The following LRP1B variants were observed in gnomAD, a reference collection of about 807,000 sequenced individuals.
The protein encoded by LRP1B is low-density lipoprotein receptor-related protein 1B.
In LRP1B, 217 loss-of-function variants were observed where a neutral mutation model predicts 556.6. That is an observed-to-expected ratio of 0.39 (90% CI 0.35 to 0.44). LRP1B has a LOEUF of 0.44. LRP1B is among the 20% of genes least tolerant of loss of function. LRP1B has a pLI of 1.00. For synonymous variants in LRP1B, 2,047 were observed against 1,865.8 expected (o/e 1.10, Z -2.50); for missense variants, 5,053 against 5,620.8 (o/e 0.90, Z 3.23).
At chr2:140,372,942 T>G (rs1424653289) in intron 69 of LRP1B, 66 bp downstream of exon 69, 1 of 1,557,948 alleles carries the variant, frequency 6.4e-7, no homozygotes, top group African/African-American at 1.4e-5. Flanking sequence ...TGCATATTGC[T>G]GCTTAAATTT....
chr2:141,933,669 T>C (rs529120289), intron 1 of LRP1B, among the ~76,000 whole-genome samples: 17 of 152,314 alleles, frequency 1.1e-4, no homozygotes, highest in Admixed American at 2.0e-4. Context: ...TTTCTTACTG[T>C]GTAATCACTA....
intron 2 of LRP1B, among the ~76,000 whole-genome samples, chr2:141,809,879 G>A (rs1696281318): frequency 6.6e-6 from 1 of 151,700 alleles, no homozygotes; most frequent in Admixed American, 6.6e-5. Context: ...ATAATTTATT[G>A]GGGAAGGTCT....
chr2:141,647,153 T>C (rs1689600026), intron 2 of LRP1B, among the ~76,000 whole-genome samples: 1 of 152,144 alleles, frequency 6.6e-6, no homozygotes, highest in African/African-American at 2.4e-5. Context: ...CTTGTCAAAG[T>C]AATGCTTTAG....
chr2:142,058,373 C>T (rs1322572525), intron 1 of LRP1B, among the ~76,000 whole-genome samples: 1 of 152,138 alleles, frequency 6.6e-6, no homozygotes, highest in Non-Finnish European at 1.5e-5. Flanking sequence ...CTTGCCTCCA[C>T]CTTCGACCAC....
chr2:142,085,814 A>G (rs1455957064), intron 1 of LRP1B, among the ~76,000 whole-genome samples: 4 of 152,186 alleles, frequency 2.6e-5, no homozygotes, highest in African/African-American at 9.7e-5. Flanking sequence ...TGTAAATATA[A>G]TACTATGCAT....
At chr2:140,605,361 T>C (rs533057627) in intron 41 of LRP1B, among the ~76,000 whole-genome samples, 1 of 152,238 alleles carries the variant, frequency 6.6e-6, no homozygotes, top group African/African-American at 2.4e-5. Flanking sequence ...TTTCCAAGGA[T>C]ACAGGTCCAA....
chr2:141,989,060 A>C (rs1702274753), intron 1 of LRP1B, among the ~76,000 whole-genome samples: 1 of 151,998 alleles, frequency 6.6e-6, no homozygotes. Flanking sequence ...TTCTTTATCC[A>C]CTCCAGTATA....
At chr2:142,118,226 G>A (rs1707341586) in intron 1 of LRP1B, among the ~76,000 whole-genome samples, 1 of 152,068 alleles carries the variant, frequency 6.6e-6, no homozygotes, top group African/African-American at 2.4e-5. Context: ...TCTCGGGCTT[G>A]GGTTTACAAT....
chr2:140,363,164 G>T (rs1010714461), intron 72 of LRP1B, among the ~76,000 whole-genome samples: 1 of 151,370 alleles, frequency 6.6e-6, no homozygotes, highest in Non-Finnish European at 1.5e-5. Context: ...ATTTTTATTT[G>T]TCCAGCCAGA....
intron 2 of LRP1B, among the ~76,000 whole-genome samples, chr2:141,505,910 A>G (rs562117677): frequency 6.6e-6 from 1 of 152,186 alleles, no homozygotes; most frequent in South Asian, 2.1e-4. Context: ...CAATTTATTG[A>G]CCATTCTTTA....
Position 141,928,384 on chromosome 2 carries a change from G to A in LRP1B, c.83-117983C>T, listed in dbSNP as rs143932669. Reference sequence around the variant, plus strand: ...ATAATATCATGGCATTGAAACATATGAAAAATAAAACCTGTAGACCATTAT... The same window carrying A: ...ATAATATCATGGCATTGAAACATATAAAAAATAAAACCTGTAGACCATTAT... On this transcript the variant is annotated intron_variant, in intron 1 of 90. Coordinates refer to ENST00000389484, the MANE Select transcript of LRP1B (RefSeq NM_018557.3). 5.5e-4 allele frequency among the ~76,000 whole-genome samples: 84 copies of A among 152,184 alleles called. 1 individual carries two copies. The highest frequency in any genetic ancestry group is 2.0e-3 in the African/African-American group (82 of 41,558).
At chr2:141,915,384 C>A (rs1327046269) in intron 1 of LRP1B, among the ~76,000 whole-genome samples, 1 of 151,984 alleles carries the variant, frequency 6.6e-6, no homozygotes, top group Non-Finnish European at 1.5e-5. Context: ...ATGTGTCATA[C>A]AAAAATTCAC....
intron 41 of LRP1B, among the ~76,000 whole-genome samples, chr2:140,628,441 G>T (rs1026673416): frequency 6.6e-6 from 1 of 151,646 alleles, no homozygotes; most frequent in East Asian, 1.9e-4. Flanking sequence ...GGAGGCTGAG[G>T]CAGGAGAATG....
In LRP1B at chr2:140,835,568, G is replaced by A. The variant is rs577320932; in HGVS notation, c.5209+4423C>T. ...TTTATTTATTTTGAGATGAAGTTTC[G>A]CTCTTGTTGCACAGGCTGGAGTGCA... On this transcript the variant is annotated intron_variant, in intron 31 of 90. Coordinates refer to ENST00000389484, the MANE Select transcript of LRP1B (RefSeq NM_018557.3). Among the ~76,000 whole-genome samples, 21 of 151,790 alleles carry A rather than the reference G, an allele frequency of 1.4e-4. 1 individual carries two copies. The highest frequency in any genetic ancestry group is 2.6e-4 in the Admixed American group (4 of 15,232).
chr2:141,832,775 G>A (rs1697153770), intron 1 of LRP1B, among the ~76,000 whole-genome samples: 1 of 151,788 alleles, frequency 6.6e-6, no homozygotes, highest in Non-Finnish European at 1.5e-5. Context: ...ATATTTACAA[G>A]TCAAGCATTT....
intron 1 of LRP1B, among the ~76,000 whole-genome samples, chr2:142,071,533 T>C (rs1048954512): frequency 2.0e-5 from 3 of 152,024 alleles, no homozygotes; most frequent in African/African-American, 7.2e-5. Flanking sequence ...ATGTGGAAAT[T>C]ACATGAAATT....
At chr2:141,107,470 A>G (rs1700634732) in intron 7 of LRP1B, among the ~76,000 whole-genome samples, 1 of 152,070 alleles carries the variant, frequency 6.6e-6, no homozygotes, top group Admixed American at 6.6e-5. Context: ...ACATGGTGAA[A>G]CCCTTTTTCT....
At chr2:141,473,210 T>C (rs1171092340) in intron 3 of LRP1B, among the ~76,000 whole-genome samples, 2 of 152,244 alleles carry the variant, frequency 1.3e-5, no homozygotes, top group South Asian at 2.1e-4. Flanking sequence ...TAAAACTAAG[T>C]CCCTGAAAAA....
intron 1 of LRP1B, among the ~76,000 whole-genome samples, chr2:141,862,148 G>C (rs1698266960): frequency 6.6e-6 from 1 of 152,090 alleles, no homozygotes; most frequent in Non-Finnish European, 1.5e-5. Flanking sequence ...ATAGTGTGTT[G>C]CTGAAACTAA....
Sources: allele counts gnomAD v4.1 joint callset (sites outside exome capture counted in the v4.1 genomes callset), GRCh38; gene constraint gnomAD v4.1.1; transcripts MANE v1.5; gene names NCBI Gene and HGNC (gene_info 2026-07-23, HGNC 2026-07-21).